The following KCNAB1 variants were observed in gnomAD, a reference collection of about 807,000 sequenced individuals.
KCNAB1 encodes voltage-gated potassium channel subunit beta-1.
A neutral mutation model predicts 64.6 loss-of-function variants in KCNAB1; 35 were observed. That is an observed-to-expected ratio of 0.54 (90% CI 0.41 to 0.72). The LOEUF (loss-of-function observed/expected upper bound fraction) is 0.72. KCNAB1 is among the 30% of genes least tolerant of loss of function. KCNAB1 has a pLI of 0.00. For missense variants in KCNAB1, 401 were observed against 512.9 expected (o/e 0.78, Z 2.11); for synonymous variants, 177 against 183.8 (o/e 0.96, Z 0.30).
intron 2 of KCNAB1, among the ~76,000 whole-genome samples, chr3:156,445,291 G>A (rs1353177607): frequency 6.6e-6 from 1 of 152,166 alleles, no homozygotes; most frequent in Non-Finnish European, 1.5e-5. Flanking sequence ...GCGAGACTCT[G>A]TCTCTGAAAC....
At chr3:156,296,535 G>A (rs1216431984) in intron 1 of KCNAB1, among the ~76,000 whole-genome samples, 1 of 143,922 alleles carries the variant, frequency 6.9e-6, no homozygotes, top group Non-Finnish European at 1.5e-5. Flanking sequence ...GGGCAGTGGC[G>A]CCGTCTCAGC....
At chr3:156,463,622 G>T in intron 5 of KCNAB1, 80 bp from the exon 6 acceptor site, 7 of 1,086,156 alleles carry the variant, frequency 6.4e-6, no homozygotes, top group Admixed American at 2.5e-5. Flanking sequence ...ATTCTTTCTG[G>T]TGCTATTATA....
At chr3:156,479,757 C>T (rs183037207) in intron 8 of KCNAB1, among the ~76,000 whole-genome samples, 3 of 152,110 alleles carry the variant, frequency 2.0e-5, no homozygotes, top group East Asian at 3.9e-4. Context: ...ATGCTGATAA[C>T]GGTTCCAGTT....
intron 1 of KCNAB1, among the ~76,000 whole-genome samples, chr3:156,181,257 A>C (rs1373791757): frequency 1.3e-5 from 2 of 152,212 alleles, no homozygotes; most frequent in African/African-American, 4.8e-5. Flanking sequence ...AGATGGGTAA[A>C]CTATCAAGAG....
intron 11 of KCNAB1, among the ~76,000 whole-genome samples, chr3:156,523,038 T>C (rs1718061459): frequency 1.3e-5 from 2 of 152,252 alleles, no homozygotes; most frequent in African/African-American, 4.8e-5. Context: ...AACTAAGGCA[T>C]TGAGAAGTTC....
chr3:156,176,949 A>T (rs925983794), intron 1 of KCNAB1: 2 of 739,008 alleles, frequency 2.7e-6, no homozygotes, highest in African/African-American at 1.8e-5. Flanking sequence ...TTTGAGGCCC[A>T]CCTGCCTCCA....
chr3:156,147,399 A>G (rs983438357), intron 1 of KCNAB1, among the ~76,000 whole-genome samples: 3 of 152,228 alleles, frequency 2.0e-5, no homozygotes, highest in South Asian at 2.1e-4. Flanking sequence ...AGCCCCTAAT[A>G]TTACTATCAT....
At chr3:156,400,129 A>G (rs1485993279) in intron 1 of KCNAB1, among the ~76,000 whole-genome samples, 2 of 152,206 alleles carry the variant, frequency 1.3e-5, no homozygotes, top group Non-Finnish European at 2.9e-5. Context: ...TAGGGGGGAA[A>G]GTAAGATATC....
chr3:156,450,744 ATT>A lies in KCNAB1; in HGVS notation c.320-2152_320-2151del, dbSNP rs1174934550. On this transcript the variant is annotated intron_variant, in intron 2 of 13. Transcript: ENST00000490337. The stretch of plus-strand genomic sequence containing the variant: ...TGCTGCCATTTCTTCAGTCCATTAA[ATT>A]TTCCAACACCCATCTTTTCTGTGTA... Among the ~76,000 whole-genome samples the A allele has an allele frequency of 2.0e-5, 3 of 152,034 alleles. No individual in the cohort carries two copies. In the East Asian group the frequency reaches 5.8e-4, roughly 29 times the overall value.
At chr3:156,222,853 G>A (rs1193863155) in intron 1 of KCNAB1, among the ~76,000 whole-genome samples, 3 of 152,190 alleles carry the variant, frequency 2.0e-5, no homozygotes, top group Non-Finnish European at 4.4e-5. Flanking sequence ...ATGAAATCAA[G>A]ATGGGAATTA....
At chr3:156,510,910 C>A (rs1347060485) in intron 8 of KCNAB1, among the ~76,000 whole-genome samples, 1 of 152,216 alleles carries the variant, frequency 6.6e-6, no homozygotes, top group Non-Finnish European at 1.5e-5. Context: ...CTCTCTCTAA[C>A]CCCTGGGCTG....
intron 12 of KCNAB1, among the ~76,000 whole-genome samples, chr3:156,528,150 G>A (rs1718453641): frequency 7.2e-6 from 1 of 139,586 alleles, no homozygotes. Context: ...ATAGTTCTCA[G>A]TGCAAAGCAG....
chr3:156,497,253 C>T (rs1354292351), intron 8 of KCNAB1, among the ~76,000 whole-genome samples: 1 of 152,294 alleles, frequency 6.6e-6, no homozygotes, highest in African/African-American at 2.4e-5. Flanking sequence ...ATATCACTAA[C>T]ATTAAGAAAG....
intron 1 of KCNAB1, among the ~76,000 whole-genome samples, chr3:156,390,762 T>A (rs1247834997): frequency 6.6e-6 from 1 of 152,074 alleles, no homozygotes; most frequent in African/African-American, 2.4e-5. Flanking sequence ...TTTTTTTGTA[T>A]TTTTAGTAGA....
At chr3:156,143,651 T>C (rs946818825) in intron 1 of KCNAB1, among the ~76,000 whole-genome samples, 7 of 147,314 alleles carry the variant, frequency 4.8e-5, no homozygotes, top group African/African-American at 1.8e-4. Context: ...GTCAAGTTCA[T>C]CTGTGGAAAC....
At chr3:156,227,787 C>A (rs1196506484) in intron 1 of KCNAB1, 1 of 152,252 alleles carries the variant, frequency 6.6e-6, no homozygotes, top group Non-Finnish European at 1.5e-5. Flanking sequence ...TTTTAGGGCA[C>A]CATCCCGGTT....
At chr3:156,232,485 TG>T (rs1158972091) in intron 1 of KCNAB1, among the ~76,000 whole-genome samples, 1 of 152,268 alleles carries the variant, frequency 6.6e-6, no homozygotes, top group Non-Finnish European at 1.5e-5. Context: ...TCTTGTTTCT[TG>T]ATCTATAAGA....
chr3:156,514,395 C>A lies in KCNAB1; in HGVS notation c.690C>A (p.Asn230Lys). 1 of 1,614,036 alleles carries A rather than the reference C, an allele frequency of 6.2e-7. No individual in the cohort carries two copies. The highest frequency in any genetic ancestry group is 2.2e-5 in the East Asian group (1 of 44,880). The change falls in exon 9 of 14, where the codon AAC (asparagine) becomes AAA (lysine). Residue 230 changes from asparagine (N) to lysine (K), a missense_variant. Asn to Lys is a moderately conservative substitution (Grantham distance 94, BLOSUM62 0). Transcript: ENST00000490337. ...TCCGAGCCATGACACATGTGATAAA[C>A]CAAGGCATGGCGATGTACTGGGGCA... ...EIVRAMTHVI[N>K]QGMAMYWGTS...
At chr3:156,400,058 C>T (rs189076073) in intron 1 of KCNAB1, among the ~76,000 whole-genome samples, 3 of 152,136 alleles carry the variant, frequency 2.0e-5, no homozygotes, top group African/African-American at 4.8e-5. Flanking sequence ...TGAGATGAAT[C>T]CACAATTAGT....
Sources: gnomAD v4.1 joint callset for allele counts (sites outside exome capture counted in the v4.1 genomes callset) on GRCh38, gnomAD v4.1.1 for gene constraint, MANE v1.5 for transcripts, NCBI Gene and HGNC (gene_info 2026-07-23, HGNC 2026-07-21) for gene names.